The following KMT2C variants were observed in gnomAD, a reference collection of about 807,000 sequenced individuals.
KMT2C encodes lysine methyltransferase 2C.
KMT2C carries 88 observed loss-of-function variants against 507.9 expected under a neutral mutation model. That is an observed-to-expected ratio of 0.17 (90% CI 0.15 to 0.21). The LOEUF is 0.21. KMT2C is among the 10% of genes least tolerant of loss of function. The pLI is 1.00. For synonymous variants in KMT2C, 2,049 were observed against 2,080.8 expected (o/e 0.98, Z 0.42); for missense variants, 4,954 against 5,957.8 (o/e 0.83, Z 5.55).
At chr7:152,244,413 G>A (rs1315971537) in intron 14 of KMT2C, among the ~76,000 whole-genome samples, 4 of 152,108 alleles carry the variant, frequency 2.6e-5, no homozygotes, top group Non-Finnish European at 5.9e-5. Flanking sequence ...GCGCTGTGGG[G>A]CTCACACCTG....
intron 56 of KMT2C, 28 bp downstream of exon 56, chr7:152,139,647 T>C: frequency 7.1e-7 from 1 of 1,417,284 alleles, no homozygotes; most frequent in Non-Finnish European, 1.0e-6. Context: ...TGGTGCTGTG[T>C]ATACAATCTC....
At chr7:152,156,710 A>T (rs138589615) in intron 44 of KMT2C, among the ~76,000 whole-genome samples, 3 of 152,350 alleles carry the variant, frequency 2.0e-5, no homozygotes, top group African/African-American at 7.2e-5. Flanking sequence ...AATATTATCA[A>T]AATATCCTTT....
At chr7:152,370,011 G>A (rs2097281397) in intron 1 of KMT2C, among the ~76,000 whole-genome samples, 1 of 152,052 alleles carries the variant, frequency 6.6e-6, no homozygotes. Context: ...GGCTAACACG[G>A]TGAAACCCCG....
intron 1 of KMT2C, among the ~76,000 whole-genome samples, chr7:152,432,925 T>C (rs1453668534): frequency 6.6e-6 from 1 of 151,736 alleles, no homozygotes; most frequent in Non-Finnish European, 1.5e-5. Flanking sequence ...GGAGAGTGGA[T>C]TACCTGAGGT....
chr7:152,405,141 C>T (rs1589776628), intron 1 of KMT2C, among the ~76,000 whole-genome samples: 14 of 150,754 alleles, frequency 9.3e-5, no homozygotes, highest in African/African-American at 3.2e-4. Flanking sequence ...TGAGGCACCA[C>T]ACCCCACCAA....
chr7:152,199,044 G>A (rs1007649890), intron 27 of KMT2C, among the ~76,000 whole-genome samples: 5 of 152,122 alleles, frequency 3.3e-5, no homozygotes, highest in Admixed American at 1.3e-4. Context: ...TAAACCAAAT[G>A]TTTTCCTTCA....
intron 39 of KMT2C, among the ~76,000 whole-genome samples, chr7:152,172,082 A>G (rs530400719): frequency 1.3e-5 from 2 of 152,354 alleles, no homozygotes; most frequent in East Asian, 3.9e-4. Flanking sequence ...CAAAAGCTGT[A>G]TATTACTATT....
At chr7:152,222,528 G>C in intron 21 of KMT2C, 45 bp downstream of exon 21, 1 of 974,968 alleles carries the variant, frequency 1.0e-6, no homozygotes, top group South Asian at 1.4e-5. Context: ...AGGTGCAAGT[G>C]AGTGGTACAA....
At chr7:152,427,003 G>T (rs1335765810) in intron 1 of KMT2C, among the ~76,000 whole-genome samples, 1 of 150,602 alleles carries the variant, frequency 6.6e-6, no homozygotes, top group African/African-American at 2.4e-5. Flanking sequence ...ACTCCCCAGA[G>T]TTTTTTTTTG....
chr7:152,369,939 C>T (rs923502477), intron 1 of KMT2C, among the ~76,000 whole-genome samples: 3 of 152,072 alleles, frequency 2.0e-5, no homozygotes, highest in Non-Finnish European at 2.9e-5. Flanking sequence ...AGGTTGGGTG[C>T]GGTGGCTCAT....
At chr7:152,260,362 T>C (rs2095748403) in intron 9 of KMT2C, among the ~76,000 whole-genome samples, 1 of 152,128 alleles carries the variant, frequency 6.6e-6, no homozygotes, top group East Asian at 1.9e-4. Flanking sequence ...CAGAATTCTC[T>C]ACCAGTTCTC....
chr7:152,272,994 T>G (rs1446923965), intron 7 of KMT2C, among the ~76,000 whole-genome samples: 1 of 151,990 alleles, frequency 6.6e-6, no homozygotes, highest in Non-Finnish European at 1.5e-5. Context: ...TTCAATAGAC[T>G]AGGAGAAAAA....
At chr7:152,366,889 C>A (rs1389450936) in intron 1 of KMT2C, 5 of 395,384 alleles carry the variant, frequency 1.3e-5, no homozygotes, top group Non-Finnish European at 1.8e-5. Context: ...AAGGGCCAGA[C>A]GCGGCGCGAG....
At chr7:152,426,042 A>G (rs917398907) in intron 1 of KMT2C, among the ~76,000 whole-genome samples, 13 of 151,920 alleles carry the variant, frequency 8.6e-5, no homozygotes, top group Non-Finnish European at 1.8e-4. Context: ...TACATATACA[A>G]CTCCTAGGGA....
intron 14 of KMT2C, among the ~76,000 whole-genome samples, chr7:152,241,140 C>T (rs2095374774): frequency 6.6e-6 from 1 of 152,136 alleles, no homozygotes; most frequent in African/African-American, 2.4e-5. Flanking sequence ...AATCAGAGCC[C>T]GACTGACTCA....
At chr7:152,416,723 CAA>C (rs35079842) in intron 1 of KMT2C, among the ~76,000 whole-genome samples, 22 of 119,730 alleles carry the variant, frequency 1.8e-4, no homozygotes, top group Non-Finnish European at 2.0e-4. Flanking sequence ...GACTCTGTAT[CAA>C]AAAAAAAAAA....
At chr7:152,294,876 C>G (rs535022609) in intron 6 of KMT2C, among the ~76,000 whole-genome samples, 2 of 152,236 alleles carry the variant, frequency 1.3e-5, no homozygotes, top group African/African-American at 2.4e-5. Context: ...AGAGCATTGA[C>G]CAAAGGATCA....
intron 1 of KMT2C, among the ~76,000 whole-genome samples, chr7:152,388,178 T>C (rs2097450414): frequency 6.6e-6 from 1 of 152,370 alleles, no homozygotes; most frequent in African/African-American, 2.4e-5. Flanking sequence ...TATAATTTCA[T>C]TAATTTCATT....
At chr7:152,199,547 G>T in intron 26 of KMT2C, 88 bp from the exon 27 acceptor site, 1 of 734,874 alleles carries the variant, frequency 1.4e-6, no homozygotes, top group Non-Finnish European at 2.1e-6. Flanking sequence ...CAAGGAAGCA[G>T]AAATAACAGA....
Sources: gnomAD v4.1 joint callset for allele counts (sites outside exome capture counted in the v4.1 genomes callset) on GRCh38, gnomAD v4.1.1 for gene constraint, MANE v1.5 for transcripts, NCBI Gene and HGNC (gene_info 2026-07-23, HGNC 2026-07-21) for gene names.